The following LRRIQ1 variants were observed in gnomAD, a reference collection of about 807,000 sequenced individuals.
LRRIQ1 encodes leucine-rich repeat- and IQ domain-containing protein 1.
In LRRIQ1, 210 loss-of-function variants were observed where a neutral mutation model predicts 211.9. The observed-to-expected ratio is 0.99, with a 90% CI of 0.89 to 1.11. The LOEUF (loss-of-function observed/expected upper bound fraction) is 1.11. Ranked by LOEUF, LRRIQ1 falls within the 50% of genes most tolerant of loss-of-function variation. The pLI is 0.00. For missense variants in LRRIQ1, 2,136 were observed against 1,939.5 expected, an observed-to-expected ratio of 1.10 and a Z score of -1.90; for synonymous variants, 699 against 650.1, an observed-to-expected ratio of 1.08 and a Z score of -1.14.
intron 15 of LRRIQ1, 53 bp downstream of exon 15, chr12:85,106,668 A>G: frequency 8.2e-7 from 1 of 1,225,680 alleles, no homozygotes; most frequent in Non-Finnish European, 1.2e-6. Flanking sequence ...GTTGCAGAAA[A>G]AAGTTTGATA....
intron 19 of LRRIQ1, among the ~76,000 whole-genome samples, chr12:85,149,411 T>G (rs762230596): frequency 6.6e-6 from 1 of 151,814 alleles, no homozygotes; most frequent in Non-Finnish European, 1.5e-5. Flanking sequence ...ACAGGAGATC[T>G]TTTTCCCATT....
intron 8 of LRRIQ1, among the ~76,000 whole-genome samples, chr12:85,059,352 A>T (rs1164475773): frequency 2.0e-5 from 3 of 152,026 alleles, no homozygotes; most frequent in Non-Finnish European, 2.9e-5. Flanking sequence ...CTCAAGTTAC[A>T]ATGAAGTTAC....
chr12:85,258,753 A>G lies in LRRIQ1; in HGVS notation c.122-4162A>G, dbSNP rs540866351. On this transcript the variant is annotated intron_variant, in intron 1 of 1. Transcript: ENST00000602731. ...TTTCTCCATGCTTTATTTATGCTGTATCTGCTGTTAAGTAATAAAATATGG... is the reference window on the plus strand; with the variant it reads ...TTTCTCCATGCTTTATTTATGCTGTGTCTGCTGTTAAGTAATAAAATATGG... Among the ~76,000 whole-genome samples, 4 of 152,048 alleles carry G rather than the reference A, an allele frequency of 2.6e-5. No homozygotes were observed. The South Asian group carries it at 8.3e-4, about 31-fold the overall frequency.
rs1895640810 is a variant in LRRIQ1, at chr12:85,244,795, C to T, written c.5023C>T (p.Leu1675Phe). 5 of 1,610,936 alleles carry T rather than the reference C, an allele frequency of 3.1e-6. No individual in the cohort carries two copies. The highest frequency in any genetic ancestry group is 4.2e-6 in the Non-Finnish European group (5 of 1,177,948). ...NGGRVQLVAR[L>F]VSREDTDLDL... Reference sequence around the variant, plus strand: ...TCTCTTCCATTGCTCCCAGGCAAGACTTGTAAGCAGAGAAGACACGGATTT... The same window carrying T: ...TCTCTTCCATTGCTCCCAGGCAAGATTTGTAAGCAGAGAAGACACGGATTT... The change falls in exon 27 of 27, where the codon CTT (leucine) becomes TTT (phenylalanine). Residue 1675 changes from leucine to phenylalanine, a missense_variant. Coordinates refer to ENST00000393217, the MANE Select transcript of LRRIQ1 (RefSeq NM_001079910.2).
intron 26 of LRRIQ1, among the ~76,000 whole-genome samples, chr12:85,235,221 G>C (rs966714284): frequency 6.6e-6 from 1 of 152,108 alleles, no homozygotes; most frequent in African/African-American, 2.4e-5. Context: ...AAATATATCA[G>C]AAGTCACGTC....
At chr12:85,172,084 A>G (rs959059638) in intron 24 of LRRIQ1, among the ~76,000 whole-genome samples, 35 of 152,136 alleles carry the variant, frequency 2.3e-4, no homozygotes, top group African/African-American at 6.8e-4. Flanking sequence ...CAACTCCCCA[A>G]TTGCTGCTTT....
intron 24 of LRRIQ1, among the ~76,000 whole-genome samples, chr12:85,193,707 G>T (rs886517328): frequency 2.0e-5 from 3 of 151,616 alleles, no homozygotes; most frequent in Non-Finnish European, 4.4e-5. Flanking sequence ...AGTACCAGCC[G>T]CTGCAAAATC....
chr12:85,215,447 C>T (rs937953397), intron 24 of LRRIQ1, among the ~76,000 whole-genome samples: 1 of 152,086 alleles, frequency 6.6e-6, no homozygotes, highest in African/African-American at 2.4e-5. Flanking sequence ...ATTTTATCAT[C>T]CAGGTATTAA....
downstream of LRRIQ1, among the ~76,000 whole-genome samples, chr12:85,269,293 T>C (rs73365753): frequency 0.16 from 24,031 of 151,934 alleles, 4,429 homozygotes; most frequent in African/African-American, 0.45. Flanking sequence ...GTTTTCAAAA[T>C]AGGAAGGCAA....
At chr12:85,250,768 T>C (rs1489377861) in intron 1 of LRRIQ1, among the ~76,000 whole-genome samples, 5 of 120,038 alleles carry the variant, frequency 4.2e-5, no homozygotes, top group African/African-American at 1.9e-4. Context: ...TAATGGAATA[T>C]GGAAAATATA....
intron 24 of LRRIQ1, among the ~76,000 whole-genome samples, chr12:85,199,278 T>G (rs1893174488): frequency 6.6e-6 from 1 of 152,176 alleles, no homozygotes; most frequent in Non-Finnish European, 1.5e-5. Context: ...CCATCTTGAG[T>G]TGATTTTGTA....
At chr12:85,156,252 T>A (rs1890537709) in intron 23 of LRRIQ1, among the ~76,000 whole-genome samples, 1 of 151,800 alleles carries the variant, frequency 6.6e-6, no homozygotes, top group Non-Finnish European at 1.5e-5. Flanking sequence ...GTTTAAAACA[T>A]GAACGCTGAA....
At position 85,217,652 on chromosome 12, in the gene LRRIQ1, A is replaced by ATGTATATATGTATATATG. The variant is rs1343917798; in HGVS notation, c.4823-11825_4823-11808dup. ...TGTATATATGTATATATATGTGTAT[A>ATGTATATATGTATATATG]TGTATATATGTATATATGTGTATAT... is the stretch of plus-strand genomic sequence containing the variant. On this transcript the variant is annotated intron_variant, in intron 24 of 26. Coordinates refer to ENST00000393217, the MANE Select transcript of LRRIQ1 (RefSeq NM_001079910.2). Among the ~76,000 whole-genome samples the ATGTATATATGTATATATG allele has an allele frequency of 6.6e-3, 905 of 137,116 alleles. 8 individuals carry two copies. The highest frequency in any genetic ancestry group is 8.8e-3 in the Non-Finnish European group (583 of 66,176). 90.0% of individuals were successfully genotyped at this position (137,116 alleles called of 152,430 possible). A position where few individuals can be genotyped will look rare whatever the true frequency, so the allele number is the denominator to read the frequency against.
chr12:85,232,890 C>T (rs1205734152), intron 26 of LRRIQ1, 134 bp downstream of exon 26: 3 of 615,022 alleles, frequency 4.9e-6, no homozygotes, highest in Non-Finnish European at 8.5e-6. Context: ...ATCAAAATAT[C>T]ATGTGTTAAA....
At chr12:85,164,799 A>G (rs932712997) in intron 24 of LRRIQ1, among the ~76,000 whole-genome samples, 4 of 152,202 alleles carry the variant, frequency 2.6e-5, no homozygotes, top group African/African-American at 7.2e-5. Flanking sequence ...TAAAGCTTGC[A>G]AAATCAAAAC....
chr12:85,058,369 G>A (rs1294545501), intron 8 of LRRIQ1, among the ~76,000 whole-genome samples: 1 of 151,944 alleles, frequency 6.6e-6, no homozygotes, highest in East Asian at 1.9e-4. Flanking sequence ...CTGGAATCAT[G>A]TTTTAGCACT....
At chr12:85,057,263 AAG>A in intron 8 of LRRIQ1, 79 bp downstream of exon 8, 1 of 1,076,832 alleles carries the variant, frequency 9.3e-7, no homozygotes, top group African/African-American at 1.7e-5. Context: ...ATCTTAGAAA[AAG>A]AAATATTTTG....
intron 24 of LRRIQ1, among the ~76,000 whole-genome samples, chr12:85,179,869 C>A (rs1565887332): frequency 6.6e-6 from 1 of 151,846 alleles, no homozygotes; most frequent in Admixed American, 6.6e-5. Flanking sequence ...TATTTCCTCC[C>A]AACTGTTAAT....
intron 8 of LRRIQ1, among the ~76,000 whole-genome samples, chr12:85,058,304 A>G (rs1881372003): frequency 2.0e-5 from 3 of 152,030 alleles, no homozygotes; most frequent in Admixed American, 2.0e-4. Context: ...CTGCAGAGCT[A>G]CATATAGAAT....
Sources: gnomAD v4.1 joint callset for allele counts (sites outside exome capture counted in the v4.1 genomes callset) on GRCh38, gnomAD v4.1.1 for gene constraint, MANE v1.5 for transcripts, NCBI Gene and HGNC (gene_info 2026-07-23, HGNC 2026-07-21) for gene names.